TMEM132B: variants seen among roughly 807,000 people sequenced by gnomAD.
The protein encoded by TMEM132B is transmembrane protein 132B.
TMEM132B carries 18 observed loss-of-function variants against 90.8 expected under a neutral mutation model. The observed-to-expected ratio is 0.20, with a 90% CI of 0.14 to 0.29. The LOEUF (loss-of-function observed/expected upper bound fraction) is 0.29. Ranked by LOEUF, TMEM132B falls within the 10% of genes least tolerant of loss-of-function variation. The pLI is 1.00. For missense variants in TMEM132B, 1,096 were observed against 1,326.8 expected (o/e 0.83, Z 2.70); for synonymous variants, 504 against 523.3 (o/e 0.96, Z 0.50).
At chr12:125,440,045 TG>T (rs534490578) in intron 3 of TMEM132B, among the ~76,000 whole-genome samples, 73 of 152,224 alleles carry the variant, frequency 4.8e-4, no homozygotes, top group Non-Finnish European at 9.3e-4. Flanking sequence ...ATTAGCTTTT[TG>T]ATGTGCTGCT....
chr12:125,432,525 A>G (rs1333357501), intron 3 of TMEM132B, among the ~76,000 whole-genome samples: 29 of 71,398 alleles, frequency 4.1e-4, no homozygotes, highest in East Asian at 1.6e-3. Flanking sequence ...ATATATATAT[A>G]TATAGAGAGA....
At chr12:125,500,723 G>A (rs766383964) in intron 3 of TMEM132B, among the ~76,000 whole-genome samples, 1 of 152,164 alleles carries the variant, frequency 6.6e-6, no homozygotes, top group African/African-American at 2.4e-5. Flanking sequence ...GGCTTGAGGG[G>A]CTGTGAGGTT....
chr12:125,238,366 C>CAAAAAAAAAAAAAAAAAAAA (rs762032967), intron 1 of TMEM132B, among the ~76,000 whole-genome samples: 3 of 111,566 alleles, frequency 2.7e-5, no homozygotes, highest in Non-Finnish European at 3.7e-5. Context: ...AAAAAAAAAC[C>CAAAAAAAAAAAAAAAAAAAA]AAAAAAAAAA....
intron 1 of TMEM132B, among the ~76,000 whole-genome samples, chr12:125,238,384 A>G (rs1419131731): frequency 6.8e-6 from 1 of 146,368 alleles, no homozygotes; most frequent in South Asian, 2.2e-4. Flanking sequence ...AAACAAAAAA[A>G]AACCAAAAAA....
intron 2 of TMEM132B, among the ~76,000 whole-genome samples, chr12:125,356,758 C>G (rs1429509848): frequency 6.6e-5 from 10 of 152,212 alleles, no homozygotes; most frequent in Non-Finnish European, 1.3e-4. Context: ...TTCCTCTCCC[C>G]ACTCAGCAAC....
intron 2 of TMEM132B, among the ~76,000 whole-genome samples, chr12:125,354,838 T>C (rs185896942): frequency 6.6e-6 from 1 of 152,328 alleles, no homozygotes; most frequent in East Asian, 1.9e-4. Flanking sequence ...TAAATTATCA[T>C]GTGTACTTGT....
At chr12:125,532,848 T>C (rs529496038) in intron 4 of TMEM132B, among the ~76,000 whole-genome samples, 5 of 152,190 alleles carry the variant, frequency 3.3e-5, no homozygotes, top group African/African-American at 1.2e-4. Context: ...ATAATTTTCT[T>C]TTAAAAAAAC....
At chr12:125,589,332 A>G (rs1226413286) in intron 5 of TMEM132B, among the ~76,000 whole-genome samples, 1 of 151,940 alleles carries the variant, frequency 6.6e-6, no homozygotes, top group African/African-American at 2.4e-5. Flanking sequence ...AATACAAAAA[A>G]TTAGCCGGGC....
intron 5 of TMEM132B, among the ~76,000 whole-genome samples, chr12:125,633,074 T>C (rs901830771): frequency 4.6e-5 from 7 of 152,060 alleles, no homozygotes; most frequent in Admixed American, 1.3e-4. Context: ...TACAAGAAAA[T>C]AGATTTTGTA....
intron 3 of TMEM132B, among the ~76,000 whole-genome samples, chr12:125,426,111 G>A (rs1008889031): frequency 6.6e-6 from 1 of 152,162 alleles, no homozygotes; most frequent in Non-Finnish European, 1.5e-5. Flanking sequence ...CTAACATTTA[G>A]TGTTATCAGT....
chr12:125,326,765 C>T, intron 1 of TMEM132B: 1 of 1,334,082 alleles, frequency 7.5e-7, no homozygotes, highest in African/African-American at 1.5e-5. Flanking sequence ...TCAGATTCTC[C>T]CTTTGCAGCA....
chr12:125,564,971 C>A (rs1349986557), intron 4 of TMEM132B, among the ~76,000 whole-genome samples: 1 of 152,078 alleles, frequency 6.6e-6, no homozygotes, highest in Non-Finnish European at 1.5e-5. Flanking sequence ...CCATGAAAAA[C>A]TGAGGTGGGA....
chr12:125,266,744 A>G (rs1274546311), intron 1 of TMEM132B, among the ~76,000 whole-genome samples: 2 of 152,186 alleles, frequency 1.3e-5, no homozygotes, highest in East Asian at 3.8e-4. Flanking sequence ...GATATTTGGA[A>G]TTTATTTTAG....
intron 4 of TMEM132B, among the ~76,000 whole-genome samples, chr12:125,541,036 C>G (rs927750122): frequency 6.6e-6 from 1 of 152,230 alleles, no homozygotes; most frequent in Non-Finnish European, 1.5e-5. Context: ...GCCTTCTCTT[C>G]CTCCAGATGT....
chr12:125,473,665 T>A (rs1881781131), intron 3 of TMEM132B, among the ~76,000 whole-genome samples: 1 of 152,182 alleles, frequency 6.6e-6, no homozygotes, highest in African/African-American at 2.4e-5. Context: ...AGCTGCTGCT[T>A]CACACATTCC....
At position 125,365,723 on chromosome 12, in the gene TMEM132B, G is replaced by A. The variant is rs183887992; in HGVS notation, c.959+15380G>A. The stretch of plus-strand genomic sequence containing the variant: ...TTTCTTTCAGCATTTTAAAGATATT[G>A]TTCTACTTGATTTAAAAATTATATT... On this transcript the variant is annotated intron_variant, in intron 2 of 8. Transcript: ENST00000682704. Among the ~76,000 whole-genome samples the A allele has an allele frequency of 7.9e-5, 12 of 151,604 alleles. No individual in the cohort carries two copies. In the East Asian group the frequency reaches 2.1e-3, roughly 27 times the overall value.
At chr12:125,237,628 T>G (rs923877980) in intron 1 of TMEM132B, among the ~76,000 whole-genome samples, 2 of 152,006 alleles carry the variant, frequency 1.3e-5, no homozygotes, top group Admixed American at 1.3e-4. Context: ...TTTGTATTTT[T>G]AGTAGAGATG....
chr12:125,626,597 T>C (rs186751625), intron 5 of TMEM132B, among the ~76,000 whole-genome samples: 48 of 152,312 alleles, frequency 3.2e-4, no homozygotes, highest in African/African-American at 9.9e-4. Context: ...GTTATTTATT[T>C]CGGAATCTTC....
chr12:125,430,428 C>T (rs1880465445), intron 3 of TMEM132B, among the ~76,000 whole-genome samples: 1 of 152,048 alleles, frequency 6.6e-6, no homozygotes, highest in South Asian at 2.1e-4. Context: ...TGGGCGGAAA[C>T]CCGGTCTAGG....
Sources: gnomAD v4.1 joint callset for allele counts (sites outside exome capture counted in the v4.1 genomes callset) on GRCh38, gnomAD v4.1.1 for gene constraint, MANE v1.5 for transcripts, NCBI Gene and HGNC (gene_info 2026-07-23, HGNC 2026-07-21) for gene names.